RFTN1: variants seen among roughly 807,000 people sequenced by gnomAD.
RFTN1 encodes raftlin.
RFTN1 carries 26 observed loss-of-function variants against 46.5 expected under a neutral mutation model. The ratio of observed to expected loss-of-function variants is 0.56; its 90% confidence interval spans 0.41 to 0.78. RFTN1 has a LOEUF of 0.78. Ranked by LOEUF, RFTN1 falls within the 30% of genes least tolerant of loss-of-function variation. The pLI, the probability that RFTN1 is intolerant of heterozygous loss-of-function variation, is 0.00. For synonymous variants in RFTN1, 261 were observed against 284.2 expected (o/e 0.92, Z 0.82); for missense variants, 693 against 718.7 (o/e 0.96, Z 0.41).
rs1449591096 is a variant in RFTN1 at position 16,344,386 on chromosome 3, T to C, written c.1146+13546A>G. Among the ~76,000 whole-genome samples the C allele has an allele frequency of 6.6e-6, 1 of 152,118 alleles. No homozygotes were observed. Among genetic ancestry groups the C allele is most frequent in the East Asian group, 1.9e-4 (1 of 5,196 alleles). On this transcript the variant is annotated intron_variant, in intron 7 of 9. Transcript: ENST00000334133. This position sits in a 1 kb window ranked among gnomAD's most constrained non-coding sequence, Gnocchi z 4.4. ...TATAGGCATCAACTATAATCTAATT[T>C]AGAAACAACATGTAAAAACAGATAC...
chr3:16,460,824 T>C lies in RFTN1; in HGVS notation c.146-26787A>G, dbSNP rs115283901. The stretch of plus-strand genomic sequence containing the variant: ...ATCTGAGACATGTGGCCACCACAGC[T>C]GTGAAGTGGCCCACTCTCTCCCACC... On this transcript the variant is annotated intron_variant, in intron 2 of 9. Transcript: ENST00000334133. The surrounding 1 kb of genome is among the most constrained non-coding windows in gnomAD (Gnocchi z 4.8). 0.016 allele frequency among the ~76,000 whole-genome samples: 2,368 copies of C among 152,340 alleles called. 75 individuals are homozygous for C. Among genetic ancestry groups the C allele is most frequent in the African/African-American group, 0.052 (2,152 of 41,580 alleles).
At chr3:16,393,715 G>A (rs1443164280) in intron 4 of RFTN1, among the ~76,000 whole-genome samples, 1 of 150,814 alleles carries the variant, frequency 6.6e-6, no homozygotes, top group African/African-American at 2.4e-5. Flanking sequence ...CTGTAGTGCA[G>A]TGGCACGGTC....
In RFTN1 at chr3:16,348,364, A is replaced by T. The variant is rs990909082; in HGVS notation, c.1146+9568T>A. ...ATTATCCAATATGTGTTCTAATTAT[A>T]AAAAAAAATTAATAGATGTGCCTTC... On this transcript the variant is annotated intron_variant, in intron 7 of 9. Transcript: ENST00000334133. The surrounding 1 kb of genome is among the most constrained non-coding windows in gnomAD (Gnocchi z 6.3). 7.3e-4 allele frequency among the ~76,000 whole-genome samples: 82 copies of T among 112,600 alleles called. 1 individual carries two copies. Among genetic ancestry groups the T allele is most frequent in the South Asian group, 1.0e-3 (4 of 3,978 alleles). The allele number at this position is 112,600 out of a possible 152,430, so 73.9% of individuals were successfully genotyped here.
At position 16,443,240 on chromosome 3, in the gene RFTN1, C is replaced by G. The variant is rs533383442; in HGVS notation, c.146-9203G>C. Reference sequence around the variant, plus strand: ...TCACATCCTCACCAACACTTCTTATCTCTTGTATTTTTGATAGTAGCCATT... The same window carrying G: ...TCACATCCTCACCAACACTTCTTATGTCTTGTATTTTTGATAGTAGCCATT... On this transcript the variant is annotated intron_variant, in intron 2 of 9. Coordinates refer to ENST00000334133, the MANE Select transcript of RFTN1 (RefSeq NM_015150.2). The surrounding 1 kb of genome is among the most constrained non-coding windows in gnomAD (Gnocchi z 5.5). Among the ~76,000 whole-genome samples, 8 of 152,310 alleles carry G rather than the reference C, an allele frequency of 5.3e-5. No individual in the cohort carries two copies. The highest frequency in any genetic ancestry group is 8.8e-5 in the Non-Finnish European group (6 of 68,022).
chr3:16,505,759 C>T (rs951368873), intron 1 of RFTN1, among the ~76,000 whole-genome samples: 1 of 152,180 alleles, frequency 6.6e-6, no homozygotes, highest in African/African-American at 2.4e-5. Flanking sequence ...CACAGCAATA[C>T]CCAGACTGGT....
intron 7 of RFTN1, among the ~76,000 whole-genome samples, chr3:16,333,210 A>C (rs542374757): frequency 6.6e-6 from 1 of 152,366 alleles, no homozygotes; most frequent in Admixed American, 6.5e-5. Flanking sequence ...AACAAAAAGC[A>C]CAAAAATGTG....
chr3:16,336,755 C>CT lies in RFTN1; in HGVS notation c.1147-9880dup, dbSNP rs1303663054. Among the ~76,000 whole-genome samples, 2 of 152,130 alleles carry CT rather than the reference C, an allele frequency of 1.3e-5. No individual in the cohort carries two copies. The highest frequency in any genetic ancestry group is 2.9e-5 in the Non-Finnish European group (2 of 68,020). ...CATAAAAAGCTTCAGTTCTGAGACT[C>CT]TTTACCCACCCAGTGCTGGTGAATT... On this transcript the variant is annotated intron_variant, in intron 7 of 9. Transcript: ENST00000334133. The surrounding 1 kb of genome is among the most constrained non-coding windows in gnomAD (Gnocchi z 6.0).
chr3:16,325,075 T>A (rs2069561590), intron 8 of RFTN1, among the ~76,000 whole-genome samples: 1 of 152,240 alleles, frequency 6.6e-6, no homozygotes, highest in Non-Finnish European at 1.5e-5. Flanking sequence ...CTTTACATGT[T>A]ACTGCATTCA....
In RFTN1 at chr3:16,376,154, G is replaced by C. The variant is rs1226559192; in HGVS notation, c.826+1564C>G. ...AAGCCAGGATTCCATGAGAGGTGGA[G>C]GTCGAGTGTCAGGACTACTGAGCCT... On this transcript the variant is annotated intron_variant, in intron 5 of 9. Coordinates refer to ENST00000334133, the MANE Select transcript of RFTN1 (RefSeq NM_015150.2). The surrounding 1 kb of genome is among the most constrained non-coding windows in gnomAD (Gnocchi z 4.7). Among the ~76,000 whole-genome samples the C allele has an allele frequency of 6.6e-6, 1 of 152,134 alleles. No individual in the cohort carries two copies. Among genetic ancestry groups the C allele is most frequent in the Non-Finnish European group, 1.5e-5 (1 of 68,010 alleles).
rs1385234245 is a variant in RFTN1 at position 16,426,031 on chromosome 3, A to AT, written c.332+7819dup. Reference sequence around the variant, plus strand: ...CCACATGCTAAACAAACACCTTCTCATTCCCCGCTCTGCCTTAAGCAAGAG... The same window carrying AT: ...CCACATGCTAAACAAACACCTTCTCATTTCCCCGCTCTGCCTTAAGCAAGAG... On this transcript the variant is annotated intron_variant, in intron 3 of 9. Coordinates refer to ENST00000334133, the MANE Select transcript of RFTN1 (RefSeq NM_015150.2). The surrounding 1 kb of genome is among the most constrained non-coding windows in gnomAD (Gnocchi z 5.9). 6.6e-6 allele frequency among the ~76,000 whole-genome samples: 1 copy of AT among 152,176 alleles called. No homozygotes were observed. The highest frequency in any genetic ancestry group is 2.4e-5 in the African/African-American group (1 of 41,434).
At position 16,321,975 on chromosome 3, in the gene RFTN1, A is replaced by G. The variant is rs2069111611; in HGVS notation, c.1332+1401T>C. Reference sequence around the variant, plus strand: ...GGAATCTGTGTGCCCCACCACCAGGAACCTGTTAGGCAAAGGTGGCACCAT... The same window carrying G: ...GGAATCTGTGTGCCCCACCACCAGGGACCTGTTAGGCAAAGGTGGCACCAT... On this transcript the variant is annotated intron_variant, in intron 9 of 9. Coordinates refer to ENST00000334133, the MANE Select transcript of RFTN1 (RefSeq NM_015150.2). This position sits in a 1 kb window ranked among gnomAD's most constrained non-coding sequence, Gnocchi z 4.8. Among the ~76,000 whole-genome samples the G allele has an allele frequency of 6.6e-6, 1 of 152,184 alleles. No homozygotes were observed. The highest frequency in any genetic ancestry group is 2.1e-4 in the South Asian group (1 of 4,834).
At chr3:16,477,868 A>G (rs2076307701) in intron 2 of RFTN1, among the ~76,000 whole-genome samples, 2 of 152,256 alleles carry the variant, frequency 1.3e-5, no homozygotes, top group Non-Finnish European at 2.9e-5. Flanking sequence ...CGCAGAAGGC[A>G]TTTCTTAAAC....
At chr3:16,364,607 TTC>T (rs1390056557) in intron 6 of RFTN1, among the ~76,000 whole-genome samples, 2 of 152,140 alleles carry the variant, frequency 1.3e-5, no homozygotes, top group Non-Finnish European at 2.9e-5. Context: ...GGCTTAGGGC[TTC>T]TGTTTGGGGC....
intron 3 of RFTN1, among the ~76,000 whole-genome samples, chr3:16,412,967 G>A (rs934522750): frequency 1.3e-5 from 2 of 152,188 alleles, no homozygotes; most frequent in African/African-American, 4.8e-5. Flanking sequence ...TGCAGCCTGA[G>A]CCAACACTGA....
chr3:16,323,440 G>A lies in RFTN1; in HGVS notation c.1268C>T (p.Thr423Ile). ...VKTTSEGSVS[T>I]KQIVFLQRPC... ...TCTCTGAAGAAAGACAATCTGCTTG[G>A]TGGATACACTCCCCTCGCTGTAACA... The change falls in exon 9 of 10, where the codon ACC becomes ATC. Residue 423 changes from threonine to isoleucine, a missense_variant. Thr to Ile is a moderately conservative substitution (Grantham distance 89, BLOSUM62 -1). Transcript: ENST00000334133. The A allele has an allele frequency of 6.2e-7, 1 of 1,612,452 alleles. No homozygotes were observed. The highest frequency in any genetic ancestry group is 8.5e-7 in the Non-Finnish European group (1 of 1,178,614).
chr3:16,399,277 TA>T (rs1375546850), intron 4 of RFTN1, among the ~76,000 whole-genome samples: 1 of 152,132 alleles, frequency 6.6e-6, no homozygotes, highest in Non-Finnish European at 1.5e-5. Context: ...TTTTAAATTT[TA>T]AAAAAACAAC....
rs1312285042 is a variant in RFTN1 at position 16,499,435 on chromosome 3, G to A, written c.-8-5558C>T. On this transcript the variant is annotated intron_variant, in intron 1 of 9. Transcript: ENST00000334133. This position sits in a 1 kb window ranked among gnomAD's most constrained non-coding sequence, Gnocchi z 4.9. ...ACCATGCCATGAGGAAGCTCAAGTAGCCCCAAAGAGGGGCCCATGTGGAGA... is the reference window on the plus strand; with the variant it reads ...ACCATGCCATGAGGAAGCTCAAGTAACCCCAAAGAGGGGCCCATGTGGAGA... 1.3e-5 allele frequency among the ~76,000 whole-genome samples: 2 copies of A among 152,188 alleles called. No homozygotes were observed. Among genetic ancestry groups the A allele is most frequent in the Admixed American group, 6.5e-5 (1 of 15,286 alleles).
intron 2 of RFTN1, among the ~76,000 whole-genome samples, chr3:16,441,425 T>C (rs1004228557): frequency 6.6e-6 from 1 of 152,212 alleles, no homozygotes; most frequent in Admixed American, 6.5e-5. Flanking sequence ...TGACTATGTT[T>C]TGTTTAGCAA....
At position 16,327,748 on chromosome 3, in the gene RFTN1, G is replaced by A. The variant is rs142851662; in HGVS notation, c.1147-872C>T. On this transcript the variant is annotated intron_variant, in intron 7 of 9. Transcript: ENST00000334133. This position sits in a 1 kb window ranked among gnomAD's most constrained non-coding sequence, Gnocchi z 4.2. ...TGCACTCCAGCCTGGGTGACAGAGC[G>A]GGATTCCCATCTCAAAAAAAAAAAC... Among the ~76,000 whole-genome samples the A allele has an allele frequency of 1.7e-3, 250 of 144,016 alleles. No homozygotes were observed. The highest frequency in any genetic ancestry group is 2.1e-3 in the Non-Finnish European group (140 of 65,512). The allele number at this position is 144,016 out of a possible 152,430, so 94.5% of individuals were successfully genotyped here. A position where few individuals can be genotyped will look rare whatever the true frequency, so the allele number is the denominator to read the frequency against.
Sources: allele counts gnomAD v4.1 joint callset (sites outside exome capture counted in the v4.1 genomes callset), GRCh38; gene constraint gnomAD v4.1.1; non-coding constraint Gnocchi (gnomAD v3.1); transcripts MANE v1.5; gene names NCBI Gene and HGNC (gene_info 2026-07-23, HGNC 2026-07-21).